FOXP2: variants seen among roughly 807,000 people sequenced by gnomAD.
The protein encoded by FOXP2 is forkhead box P2.
FOXP2 carries 12 observed loss-of-function variants against 115.8 expected under a neutral mutation model. The observed-to-expected ratio is 0.10, with a 90% CI of 0.07 to 0.17. FOXP2 has a LOEUF of 0.17. FOXP2 is among the 10% of genes least tolerant of loss of function. The pLI is 1.00. For synonymous variants in FOXP2, 328 were observed against 297.7 expected (o/e 1.10, Z -1.05); for missense variants, 629 against 843.5 (o/e 0.75, Z 3.15).
At chr7:114,252,127 C>T (rs933777931) in intron 1 of FOXP2, among the ~76,000 whole-genome samples, 1 of 152,158 alleles carries the variant, frequency 6.6e-6, no homozygotes, top group African/African-American at 2.4e-5. Context: ...AGCCTTGCAT[C>T]CCAGGGATGA....
chr7:114,654,429 T>C (rs919141919), intron 10 of FOXP2, among the ~76,000 whole-genome samples: 1 of 152,208 alleles, frequency 6.6e-6, no homozygotes, highest in Non-Finnish European at 1.5e-5. Flanking sequence ...TAGATTTTTA[T>C]CAAATATTTT....
intron 3 of FOXP2, among the ~76,000 whole-genome samples, chr7:114,618,163 T>A (rs915890250): frequency 6.6e-6 from 1 of 152,190 alleles, no homozygotes; most frequent in East Asian, 1.9e-4. Flanking sequence ...TAATCATGCA[T>A]TTACTCACCT....
intron 3 of FOXP2, among the ~76,000 whole-genome samples, chr7:114,535,326 G>A (rs1799327550): frequency 6.6e-6 from 1 of 151,228 alleles, no homozygotes; most frequent in African/African-American, 2.4e-5. Flanking sequence ...AAATATGTGG[G>A]ACATTTTCTT....
chr7:114,653,918 C>T lies in FOXP2; in HGVS notation c.1183-8C>T, dbSNP rs1459349027. 4 of 1,612,424 alleles carry T rather than the reference C, an allele frequency of 2.5e-6. No individual in the cohort carries two copies. Among genetic ancestry groups the T allele is most frequent in the Non-Finnish European group, 3.4e-6 (4 of 1,178,974 alleles). ...TAAAACGCTTCTGATCTCACTCTTT[C>T]TTAACAGCTTTCTAAAGAACGCGAA... On this transcript the variant is annotated splice_polypyrimidine_tract_variant and splice_region_variant and intron_variant, in intron 9 of 16. Transcript: ENST00000350908.
At chr7:114,225,625 T>G (rs543131506) in intron 1 of FOXP2, among the ~76,000 whole-genome samples, 86 of 151,888 alleles carry the variant, frequency 5.7e-4, no homozygotes, top group East Asian at 2.1e-3. Flanking sequence ...TTAATTTTTT[T>G]TTGTTGTTGT....
At chr7:114,656,315 T>A in intron 10 of FOXP2, 1 of 158,246 alleles carries the variant, frequency 6.3e-6, no homozygotes, top group Non-Finnish European at 1.2e-5. Flanking sequence ...CCAGCTGAGT[T>A]TTTTTTTTTT....
At chr7:114,542,417 G>A (rs987196234) in intron 3 of FOXP2, among the ~76,000 whole-genome samples, 1 of 152,024 alleles carries the variant, frequency 6.6e-6, no homozygotes, top group Non-Finnish European at 1.5e-5. Flanking sequence ...ATTTAAGTTG[G>A]AGTTTCAATA....
intron 2 of FOXP2, among the ~76,000 whole-genome samples, chr7:114,321,920 T>C (rs1473322787): frequency 1.3e-5 from 2 of 152,194 alleles, no homozygotes. Flanking sequence ...CAAGCTTAAT[T>C]TGTAGACCTT....
chr7:114,194,542 C>T (rs1021935336), intron 1 of FOXP2, among the ~76,000 whole-genome samples: 11 of 151,994 alleles, frequency 7.2e-5, no homozygotes, highest in Admixed American at 6.6e-4. Context: ...GAGAAGATAG[C>T]GCTGAATCCT....
At chr7:114,569,724 C>G (rs1451509071) in intron 3 of FOXP2, among the ~76,000 whole-genome samples, 1 of 151,876 alleles carries the variant, frequency 6.6e-6, no homozygotes, top group African/African-American at 2.4e-5. Flanking sequence ...ATTTTGGAAG[C>G]CATTTTTCCT....
chr7:114,330,565 A>G (rs1797682638), intron 2 of FOXP2, among the ~76,000 whole-genome samples: 1 of 151,018 alleles, frequency 6.6e-6, no homozygotes, highest in Non-Finnish European at 1.5e-5. Context: ...GTGAATATGC[A>G]TCTATTTGTA....
At chr7:114,497,104 A>G (rs545301861) in intron 2 of FOXP2, among the ~76,000 whole-genome samples, 1 of 152,314 alleles carries the variant, frequency 6.6e-6, no homozygotes, top group East Asian at 1.9e-4. Flanking sequence ...TGATAGGTAA[A>G]TTTCAAACTG....
At chr7:114,353,334 CTTTTTTTTTT>C (rs138925770) in intron 2 of FOXP2, among the ~76,000 whole-genome samples, 37 of 64,128 alleles carry the variant, frequency 5.8e-4, no homozygotes, top group Non-Finnish European at 9.5e-4. Flanking sequence ...ATAGGAGCCT[CTTTTTTTTTT>C]TTTTTTTTTT....
intron 3 of FOXP2, among the ~76,000 whole-genome samples, chr7:114,543,458 T>C (rs2129282674): frequency 6.6e-6 from 1 of 152,308 alleles, no homozygotes; most frequent in African/African-American, 2.4e-5. Context: ...CAAGCTACCA[T>C]TGCCTTATAC....
At chr7:114,183,248 T>C (rs1398448569) in intron 1 of FOXP2, among the ~76,000 whole-genome samples, 3 of 152,206 alleles carry the variant, frequency 2.0e-5, no homozygotes, top group African/African-American at 7.2e-5. Flanking sequence ...AATAATCAGA[T>C]GACATTCTTA....
At chr7:114,304,302 G>A (rs549055912) in intron 2 of FOXP2, among the ~76,000 whole-genome samples, 1 of 152,068 alleles carries the variant, frequency 6.6e-6, no homozygotes, top group African/African-American at 2.4e-5. Flanking sequence ...TAGACTCCTA[G>A]CATTGAGCAA....
chr7:114,509,612 AT>A (rs1468728419), intron 2 of FOXP2, among the ~76,000 whole-genome samples: 1 of 148,956 alleles, frequency 6.7e-6, no homozygotes, highest in African/African-American at 2.5e-5. Flanking sequence ...GTTAGTCCAA[AT>A]TAGTGAATTG....
chr7:114,486,330 C>G (rs1796771751), intron 2 of FOXP2, among the ~76,000 whole-genome samples: 1 of 152,092 alleles, frequency 6.6e-6, no homozygotes, highest in Non-Finnish European at 1.5e-5. Flanking sequence ...GACTTATTCA[C>G]TATTACAAGA....
intron 2 of FOXP2, among the ~76,000 whole-genome samples, chr7:114,308,293 T>C (rs796436111): frequency 4.6e-5 from 7 of 152,242 alleles, no homozygotes; most frequent in African/African-American, 1.4e-4. Context: ...CAATTAGTCA[T>C]TATACTAATG....
Sources: gnomAD v4.1 joint callset for allele counts (sites outside exome capture counted in the v4.1 genomes callset) on GRCh38, gnomAD v4.1.1 for gene constraint, MANE v1.5 for transcripts, NCBI Gene and HGNC (gene_info 2026-07-23, HGNC 2026-07-21) for gene names.